The following ZDHHC15 variants were observed in gnomAD, a reference collection of about 807,000 sequenced individuals.
ZDHHC15 encodes palmitoyltransferase ZDHHC15.
In ZDHHC15, 19 loss-of-function variants were observed where a neutral mutation model predicts 31.7. The observed-to-expected ratio is 0.60, with a 90% CI of 0.42 to 0.88. ZDHHC15 has a LOEUF of 0.88. ZDHHC15 is among the 40% of genes least tolerant of loss of function. ZDHHC15 has a pLI of 0.00. For synonymous variants in ZDHHC15, 103 were observed against 90.0 expected, an observed-to-expected ratio of 1.14 and a Z score of -0.82; for missense variants, 209 against 251.2, an observed-to-expected ratio of 0.83 and a Z score of 1.14.
At chrX:75,386,721 C>T (rs2083183955) in intron 10 of ZDHHC15, among the ~76,000 whole-genome samples, 1 of 112,489 alleles carries the variant, frequency 8.9e-6, no homozygotes. Context: ...AAGCAGTCTG[C>T]CAGCCTCAGT....
At chrX:75,378,721 G>A (rs2083084370) in intron 11 of ZDHHC15, among the ~76,000 whole-genome samples, 1 of 111,407 alleles carries the variant, frequency 9.0e-6, no homozygotes, top group Admixed American at 9.6e-5. Flanking sequence ...CCTTAGTGGG[G>A]AAGACTAGGT....
At chrX:75,383,508 C>A (rs1397945442) in intron 10 of ZDHHC15, among the ~76,000 whole-genome samples, 1 of 110,670 alleles carries the variant, frequency 9.0e-6, no homozygotes, top group East Asian at 2.8e-4. Context: ...TGCTCTCTGA[C>A]AATACAGATC....
chrX:75,516,433 A>G (rs1288842593), intron 1 of ZDHHC15, among the ~76,000 whole-genome samples: 2 of 112,279 alleles, frequency 1.8e-5, no homozygotes. Flanking sequence ...ATAATACCAC[A>G]TATCTATAAC....
At chrX:75,431,726 G>C (rs1193058505) in intron 4 of ZDHHC15, among the ~76,000 whole-genome samples, 1 of 110,594 alleles carries the variant, frequency 9.0e-6, no homozygotes, top group East Asian at 2.8e-4. Flanking sequence ...GCACTTTTGG[G>C]GGCTGAAAGG....
At chrX:75,384,710 A>G (rs992239431) in intron 10 of ZDHHC15, 1 of 792,250 alleles carries the variant, frequency 1.3e-6, no homozygotes, top group African/African-American at 2.0e-5. Flanking sequence ...GCCAAAGAGA[A>G]AGGTACCTGT....
intron 2 of ZDHHC15, among the ~76,000 whole-genome samples, chrX:75,497,081 A>G (rs1268679500): frequency 8.9e-6 from 1 of 112,191 alleles, no homozygotes; most frequent in East Asian, 2.8e-4. Context: ...AAATCAATAG[A>G]CCATTAGCGA....
chrX:75,518,630 C>G (rs1218868721), intron 1 of ZDHHC15, among the ~76,000 whole-genome samples: 16 of 106,178 alleles, frequency 1.5e-4, no homozygotes, highest in African/African-American at 4.8e-4. Flanking sequence ...CCCCATCCAT[C>G]TCCCTGGTGT....
chrX:75,408,181 CCGAGAAACA>C (rs2083442185), intron 10 of ZDHHC15, among the ~76,000 whole-genome samples: 1 of 105,028 alleles, frequency 9.5e-6, no homozygotes, highest in African/African-American at 3.4e-5. Context: ...ATCCCCCTCT[CCGAGAAACA>C]CCCAAGAATG....
At chrX:75,487,674 TAAG>T (rs1349493820) in intron 2 of ZDHHC15, among the ~76,000 whole-genome samples, 2 of 111,920 alleles carry the variant, frequency 1.8e-5, no homozygotes, top group Admixed American at 9.5e-5. Flanking sequence ...TGATCCAAAC[TAAG>T]AAGAACTCTC....
intron 2 of ZDHHC15, among the ~76,000 whole-genome samples, chrX:75,493,370 A>G (rs2084932671): frequency 8.9e-6 from 1 of 111,811 alleles, no homozygotes; most frequent in Admixed American, 9.5e-5. Flanking sequence ...AGGAGCTGGT[A>G]CATTCCTTCT....
intron 2 of ZDHHC15, among the ~76,000 whole-genome samples, chrX:75,497,026 C>A (rs779849480): frequency 4.7e-4 from 52 of 110,599 alleles, no homozygotes; most frequent in African/African-American, 1.6e-3. Context: ...ACAAAAAATA[C>A]AAAAGATAAA....
At chrX:75,502,650 A>G (rs16992011) in intron 2 of ZDHHC15, among the ~76,000 whole-genome samples, 1,978 of 111,010 alleles carry the variant, frequency 0.018, 48 homozygotes, top group African/African-American at 0.061. Flanking sequence ...GATCATGCCT[A>G]AAGTTCATAT....
rs1335881938 is a variant in ZDHHC15 at position 75,477,462 on chromosome X, A to T, written c.258+1429T>A. Among the ~76,000 whole-genome samples the T allele has an allele frequency of 1.7e-4, 19 of 111,736 alleles. No individual in the cohort carries two copies. In the Admixed American group the frequency reaches 1.8e-3, roughly 11 times the overall value. On this transcript the variant is annotated intron_variant, in intron 3 of 11. Transcript: ENST00000373367. ...TGCAAGTGGGGTATTGAAGTCTCCAACTATTACTGTGTAACTGTTATTGTG... is the reference window on the plus strand; with the variant it reads ...TGCAAGTGGGGTATTGAAGTCTCCATCTATTACTGTGTAACTGTTATTGTG...
At chrX:75,506,931 T>G (rs1466933608) in intron 1 of ZDHHC15, among the ~76,000 whole-genome samples, 1 of 111,661 alleles carries the variant, frequency 9.0e-6, no homozygotes, top group African/African-American at 3.2e-5. Flanking sequence ...GAGGTGCAAC[T>G]CCCATTTGCT....
At chrX:75,390,716 G>A (rs1212100822) in intron 10 of ZDHHC15, among the ~76,000 whole-genome samples, 1 of 111,396 alleles carries the variant, frequency 9.0e-6, no homozygotes, top group Non-Finnish European at 1.9e-5. Flanking sequence ...CCAAATCCCT[G>A]TGAATATTCG....
At chrX:75,417,052 T>G in intron 10 of ZDHHC15, 35 bp downstream of exon 10, 5 of 1,063,201 alleles carry the variant, frequency 4.7e-6, no homozygotes, top group Non-Finnish European at 6.5e-6. Context: ...ATTGGTTGTA[T>G]TAATGTGGAC....
intron 2 of ZDHHC15, among the ~76,000 whole-genome samples, chrX:75,489,051 C>T (rs940184402): frequency 5.4e-5 from 6 of 111,647 alleles, no homozygotes; most frequent in Non-Finnish European, 7.5e-5. Flanking sequence ...GGGAGGAGTG[C>T]CCGCCATTGC....
chrX:75,468,676 T>A lies in ZDHHC15; in HGVS notation c.258+10215A>T, dbSNP rs766191193. 2.9e-4 allele frequency among the ~76,000 whole-genome samples: 33 copies of A among 111,910 alleles called. No individual in the cohort carries two copies. In the South Asian group the frequency reaches 0.013, roughly 42 times the overall value. ...TCACATCAGTCATACCATTTTACAT[T>A]CCTAGTAGCAATGTATGAAGATTCT... On this transcript the variant is annotated intron_variant, in intron 3 of 11. Transcript: ENST00000373367.
intron 4 of ZDHHC15, among the ~76,000 whole-genome samples, chrX:75,441,143 C>T (rs1179436325): frequency 8.9e-6 from 1 of 112,275 alleles, no homozygotes; most frequent in Admixed American, 9.4e-5. Flanking sequence ...CCCCTCCCTG[C>T]CTGCCACAGC....
Sources: allele counts gnomAD v4.1 joint callset (sites outside exome capture counted in the v4.1 genomes callset), GRCh38; gene constraint gnomAD v4.1.1; transcripts MANE v1.5; gene names NCBI Gene and HGNC (gene_info 2026-07-23, HGNC 2026-07-21).